The following TBXAS1 variants were observed in gnomAD, a reference collection of about 807,000 sequenced individuals.
TBXAS1 encodes thromboxane A synthase 1, also known as thromboxane-A synthase.
A neutral mutation model predicts 60.7 loss-of-function variants in TBXAS1; 48 were observed. The ratio of observed to expected loss-of-function variants is 0.79; its 90% confidence interval spans 0.63 to 1.01. The LOEUF is 1.01. TBXAS1 is among the 50% of genes least tolerant of loss of function. The pLI is 0.00. For synonymous variants in TBXAS1, 287 were observed against 269.7 expected, an observed-to-expected ratio of 1.06 and a Z score of -0.63; for missense variants, 685 against 686.3, an observed-to-expected ratio of 1.00 and a Z score of 0.02.
intron 4 of TBXAS1, chr7:139,913,632 G>C (rs775353760): frequency 1.9e-5 from 3 of 154,210 alleles, no homozygotes; most frequent in African/African-American, 7.2e-5. Flanking sequence ...CCTCAGCTTT[G>C]ATCAATTTAT....
At chr7:139,811,481 G>T (rs966500208) in intron 4 of TBXAS1, among the ~76,000 whole-genome samples, 1 of 152,240 alleles carries the variant, frequency 6.6e-6, no homozygotes, top group African/African-American at 2.4e-5. Flanking sequence ...TATGAAAATT[G>T]TCTGTACCTG....
At chr7:139,967,464 C>T (rs1810875127) in intron 9 of TBXAS1, among the ~76,000 whole-genome samples, 1 of 152,160 alleles carries the variant, frequency 6.6e-6, no homozygotes, top group Admixed American at 6.5e-5. Context: ...TCTTTATAGG[C>T]TGAGGATGGG....
intron 9 of TBXAS1, among the ~76,000 whole-genome samples, chr7:139,968,453 C>T (rs1810953412): frequency 6.6e-6 from 1 of 152,130 alleles, no homozygotes; most frequent in African/African-American, 2.4e-5. Flanking sequence ...TGCCACCATG[C>T]CTGGCTAATT....
At chr7:139,964,793 A>G (rs994841146) in intron 9 of TBXAS1, among the ~76,000 whole-genome samples, 1 of 152,368 alleles carries the variant, frequency 6.6e-6, no homozygotes, top group Admixed American at 6.5e-5. Flanking sequence ...GGGCAGTAGA[A>G]GGCAGAAGAT....
intron 3 of TBXAS1, among the ~76,000 whole-genome samples, chr7:139,892,774 A>C (rs1184826223): frequency 6.6e-6 from 1 of 152,156 alleles, no homozygotes; most frequent in Admixed American, 6.5e-5. Context: ...TCTTGTAGCC[A>C]GCCTGCATCT....
At chr7:139,971,474 T>C (rs752504938) in intron 9 of TBXAS1, among the ~76,000 whole-genome samples, 5 of 152,228 alleles carry the variant, frequency 3.3e-5, no homozygotes, top group South Asian at 2.1e-4. Flanking sequence ...TCCATTTCAT[T>C]GTTATGCACA....
chr7:139,831,540 G>A (rs1421388359), intron 1 of TBXAS1, among the ~76,000 whole-genome samples: 1 of 152,250 alleles, frequency 6.6e-6, no homozygotes, highest in Non-Finnish European at 1.5e-5. Flanking sequence ...GGCAGGGGGA[G>A]TGGATTAAAC....
chr7:139,972,552 C>G (rs542884711), intron 9 of TBXAS1, among the ~76,000 whole-genome samples: 6 of 151,480 alleles, frequency 4.0e-5, no homozygotes, highest in African/African-American at 1.5e-4. Context: ...AATAAACATA[C>G]TTTTTTTTTA....
At chr7:139,982,506 T>C (rs974514657) in intron 9 of TBXAS1, among the ~76,000 whole-genome samples, 4 of 152,198 alleles carry the variant, frequency 2.6e-5, no homozygotes, top group Non-Finnish European at 5.9e-5. Context: ...CCAGGGGTAT[T>C]ATAGCCCTGT....
intron 2 of TBXAS1, among the ~76,000 whole-genome samples, chr7:139,872,777 G>A (rs1394009733): frequency 2.0e-5 from 3 of 152,216 alleles, no homozygotes. Context: ...GTTCTGTGAT[G>A]CCATGAGCCC....
intron 1 of TBXAS1, among the ~76,000 whole-genome samples, chr7:139,839,820 C>T (rs1469209641): frequency 6.6e-6 from 1 of 151,580 alleles, no homozygotes; most frequent in Non-Finnish European, 1.5e-5. Flanking sequence ...TGCACCACTA[C>T]ACTCGCACTC....
intron 9 of TBXAS1, among the ~76,000 whole-genome samples, chr7:139,976,774 C>G (rs920232798): frequency 4.6e-5 from 7 of 152,156 alleles, no homozygotes; most frequent in African/African-American, 1.7e-4. Context: ...GGAGGAAGAA[C>G]GTTGCCAGAA....
At chr7:139,924,686 G>A (rs1049246602) in intron 4 of TBXAS1, among the ~76,000 whole-genome samples, 7 of 151,932 alleles carry the variant, frequency 4.6e-5, no homozygotes, top group Non-Finnish European at 7.4e-5. Context: ...CCATTTTTGC[G>A]TTGGTTGCCT....
At chr7:140,007,037 C>T (rs1814127730) in intron 9 of TBXAS1, 54 bp from the exon 10 acceptor site, 2 of 1,481,058 alleles carry the variant, frequency 1.4e-6, no homozygotes, top group South Asian at 1.1e-5. Context: ...AGACAAAATG[C>T]TGTGAGATTT....
intron 9 of TBXAS1, among the ~76,000 whole-genome samples, chr7:139,985,505 A>C (rs1229687556): frequency 6.6e-6 from 1 of 151,712 alleles, no homozygotes; most frequent in Non-Finnish European, 1.5e-5. Flanking sequence ...AATTTATCTA[A>C]ATTTATCTCA....
intron 9 of TBXAS1, among the ~76,000 whole-genome samples, chr7:139,967,896 C>T (rs1810910475): frequency 6.6e-6 from 1 of 152,152 alleles, no homozygotes; most frequent in African/African-American, 2.4e-5. Context: ...TTTTAAAATC[C>T]AGCTTGCCAA....
At chr7:139,829,839 G>A (rs971876876) in intron 1 of TBXAS1, among the ~76,000 whole-genome samples, 7 of 152,142 alleles carry the variant, frequency 4.6e-5, no homozygotes, top group African/African-American at 1.7e-4. Flanking sequence ...TGTCCTTGTT[G>A]GATTTACAGT....
intron 5 of TBXAS1, among the ~76,000 whole-genome samples, chr7:139,951,801 A>AGAAGGAAAG (rs1208444621): frequency 1.2e-4 from 1 of 8,346 alleles, no homozygotes; most frequent in East Asian, 2.8e-3. Flanking sequence ...GAAAGAAAGA[A>AGAAGGAAAG]AAAGAAACAA....
chr7:139,809,259 ATAG>A (rs1797964529), intron 4 of TBXAS1, among the ~76,000 whole-genome samples: 1 of 151,764 alleles, frequency 6.6e-6, no homozygotes, highest in South Asian at 2.1e-4. Context: ...AGATAGATAG[ATAG>A]ATAGATAGAA....
Sources: allele counts gnomAD v4.1 joint callset (sites outside exome capture counted in the v4.1 genomes callset), GRCh38; gene constraint gnomAD v4.1.1; transcripts MANE v1.5; gene names NCBI Gene and HGNC (gene_info 2026-07-23, HGNC 2026-07-21).